The following TMEFF2 variants were observed in gnomAD, a reference collection of about 807,000 sequenced individuals.
TMEFF2 encodes tomoregulin-2.
In TMEFF2, 28 loss-of-function variants were observed where a neutral mutation model predicts 53.8. That is an observed-to-expected ratio of 0.52 (90% CI 0.39 to 0.71). TMEFF2 has a LOEUF of 0.71. Ranked by LOEUF, TMEFF2 falls within the 30% of genes least tolerant of loss-of-function variation. The pLI is 0.00. For synonymous variants in TMEFF2, 162 were observed against 166.3 expected (o/e 0.97, Z 0.20); for missense variants, 353 against 455.2 (o/e 0.78, Z 2.04).
chr2:192,021,044 T>G (rs899581347), intron 5 of TMEFF2, among the ~76,000 whole-genome samples: 9 of 152,236 alleles, frequency 5.9e-5, no homozygotes, highest in African/African-American at 2.2e-4. Context: ...TCATTCAGAG[T>G]AGTTTGAAAA....
intron 5 of TMEFF2, among the ~76,000 whole-genome samples, chr2:192,053,582 C>T (rs1433720961): frequency 6.6e-6 from 1 of 152,176 alleles, no homozygotes; most frequent in East Asian, 1.9e-4. Context: ...AATCTGTACA[C>T]ATAAAATTAT....
chr2:192,122,456 TTTTTC>T (rs199804971), intron 4 of TMEFF2, among the ~76,000 whole-genome samples: 80 of 152,340 alleles, frequency 5.3e-4, no homozygotes, highest in Admixed American at 1.4e-3. Context: ...AGTTATGCAG[TTTTTC>T]TTTTCTTAAG....
At chr2:192,098,677 G>A (rs1007353916) in intron 4 of TMEFF2, among the ~76,000 whole-genome samples, 12 of 152,134 alleles carry the variant, frequency 7.9e-5, no homozygotes, top group Admixed American at 2.6e-4. Flanking sequence ...AGCTAAATTG[G>A]CAGTTCAATA....
At chr2:191,970,295 T>G (rs1692599808) in intron 7 of TMEFF2, among the ~76,000 whole-genome samples, 1 of 152,068 alleles carries the variant, frequency 6.6e-6, no homozygotes, top group African/African-American at 2.4e-5. Flanking sequence ...GGTTACTGTC[T>G]TTGGTAGATC....
intron 4 of TMEFF2, among the ~76,000 whole-genome samples, chr2:192,066,576 A>C (rs1456241519): frequency 6.6e-6 from 1 of 151,894 alleles, no homozygotes; most frequent in African/African-American, 2.4e-5. Flanking sequence ...TAGAAATCAC[A>C]TATAATTTAT....
intron 5 of TMEFF2, among the ~76,000 whole-genome samples, chr2:192,037,434 GA>G (rs1687347031): frequency 6.6e-6 from 1 of 151,492 alleles, no homozygotes; most frequent in South Asian, 2.1e-4. Flanking sequence ...CTTAGAAATA[GA>G]AGGAATTTCT....
At chr2:192,165,032 G>A (rs1211399850) in intron 4 of TMEFF2, among the ~76,000 whole-genome samples, 1 of 144,472 alleles carries the variant, frequency 6.9e-6, no homozygotes, top group Non-Finnish European at 1.5e-5. Flanking sequence ...ATACTTGCAT[G>A]TGCAGGAGAC....
intron 4 of TMEFF2, among the ~76,000 whole-genome samples, chr2:192,066,489 T>C (rs1688171971): frequency 6.6e-6 from 1 of 151,876 alleles, no homozygotes. Context: ...TATTAAAGAC[T>C]TCAAAAGAAG....
At chr2:191,994,505 A>C (rs1574274356) in intron 7 of TMEFF2, among the ~76,000 whole-genome samples, 1 of 151,770 alleles carries the variant, frequency 6.6e-6, no homozygotes, top group African/African-American at 2.4e-5. Flanking sequence ...ACATATATAT[A>C]CTGGATAAAG....
chr2:192,172,668 C>T (rs1463302734), intron 4 of TMEFF2, among the ~76,000 whole-genome samples: 1 of 151,848 alleles, frequency 6.6e-6, no homozygotes, highest in Non-Finnish European at 1.5e-5. Flanking sequence ...ATCATTAAGT[C>T]CCATGGACTG....
At chr2:192,171,540 A>C (rs540820058) in intron 4 of TMEFF2, among the ~76,000 whole-genome samples, 1 of 151,982 alleles carries the variant, frequency 6.6e-6, no homozygotes, top group South Asian at 2.1e-4. Context: ...TCTGGCCTTG[A>C]GGGTCACTCC....
chr2:191,971,816 CAAA>C (rs1201291878), intron 7 of TMEFF2, among the ~76,000 whole-genome samples: 1 of 151,956 alleles, frequency 6.6e-6, no homozygotes, highest in Admixed American at 6.6e-5. Flanking sequence ...TAGATAAAAA[CAAA>C]AATCAACATC....
At chr2:192,003,013 G>T (rs1686406681) in intron 5 of TMEFF2, among the ~76,000 whole-genome samples, 1 of 152,040 alleles carries the variant, frequency 6.6e-6, no homozygotes, top group African/African-American at 2.4e-5. Flanking sequence ...AGAAAAACAT[G>T]CAGGATTCCA....
At chr2:192,150,881 T>C (rs1340369212) in intron 4 of TMEFF2, among the ~76,000 whole-genome samples, 1 of 151,846 alleles carries the variant, frequency 6.6e-6, no homozygotes, top group Non-Finnish European at 1.5e-5. Context: ...ACACATTTCA[T>C]ATGAGTTTTT....
intron 7 of TMEFF2, among the ~76,000 whole-genome samples, chr2:191,962,364 ATATT>A (rs1433510378): frequency 3.3e-5 from 5 of 152,222 alleles, no homozygotes; most frequent in African/African-American, 1.2e-4. Context: ...TATGCTATAA[ATATT>A]CTTATTGAAC....
intron 4 of TMEFF2, among the ~76,000 whole-genome samples, chr2:192,091,566 A>T (rs1688790847): frequency 6.6e-6 from 1 of 152,212 alleles, no homozygotes; most frequent in Admixed American, 6.6e-5. Context: ...TTATTTTAAT[A>T]GCTAAACACA....
At chr2:192,107,479 C>T (rs946907313) in intron 4 of TMEFF2, among the ~76,000 whole-genome samples, 7 of 151,540 alleles carry the variant, frequency 4.6e-5, no homozygotes, top group African/African-American at 1.2e-4. Context: ...TTACCATGAA[C>T]GTCAGTGTAA....
At chr2:191,992,414 G>T (rs1014037784) in intron 7 of TMEFF2, among the ~76,000 whole-genome samples, 5 of 152,016 alleles carry the variant, frequency 3.3e-5, no homozygotes, top group African/African-American at 1.2e-4. Context: ...AATATGTACA[G>T]TTGAGGCATA....
intron 7 of TMEFF2, among the ~76,000 whole-genome samples, chr2:191,980,185 G>C (rs142374375): frequency 2.0e-5 from 3 of 152,112 alleles, no homozygotes; most frequent in African/African-American, 7.2e-5. Flanking sequence ...AAAGGTAAAA[G>C]CATAAATACA....
Sources: allele counts gnomAD v4.1 joint callset (sites outside exome capture counted in the v4.1 genomes callset), GRCh38; gene constraint gnomAD v4.1.1; transcripts MANE v1.5; gene names NCBI Gene and HGNC (gene_info 2026-07-23, HGNC 2026-07-21).